Variants in IL31RA observed in about 807,000 individuals in gnomAD.
IL31RA encodes interleukin 31 receptor A, also known as interleukin-31 receptor subunit alpha.
In IL31RA, 66 loss-of-function variants were observed where a neutral mutation model predicts 83.7. That is an observed-to-expected ratio of 0.79 (90% CI 0.65 to 0.97). IL31RA has a LOEUF of 0.97. IL31RA is among the 50% of genes least tolerant of loss of function. The pLI is 0.00. For synonymous variants in IL31RA, 325 were observed against 329.0 expected (o/e 0.99, Z 0.13); for missense variants, 798 against 919.4 (o/e 0.87, Z 1.71).
rs978505990 is a variant in IL31RA at position 55,918,635 on chromosome 5, G to A, written c.*1515G>A. Among the ~76,000 whole-genome samples, 12 of 152,136 alleles carry A rather than the reference G, an allele frequency of 7.9e-5. No individual in the cohort carries two copies. Among genetic ancestry groups the A allele is most frequent in the African/African-American group, 2.9e-4 (12 of 41,418 alleles). On this transcript the variant is annotated 3_prime_UTR_variant, in exon 15 of 15. Transcript: ENST00000652347. ...CTGGGTCATGTATTTGTCCGGCCGTGTTTTTGTCTCTGGCCTCGTGTGTTT... is the reference window on the plus strand; with the variant it reads ...CTGGGTCATGTATTTGTCCGGCCGTATTTTTGTCTCTGGCCTCGTGTGTTT...
chr5:55,896,035 A>G (rs1010012502), intron 6 of IL31RA, among the ~76,000 whole-genome samples: 7 of 152,214 alleles, frequency 4.6e-5, no homozygotes, highest in African/African-American at 1.4e-4. Flanking sequence ...TCTAGAGGAC[A>G]TTAGATAGTC....
intron 8 of IL31RA, among the ~76,000 whole-genome samples, chr5:55,902,112 G>A (rs989507232): frequency 1.3e-5 from 2 of 152,138 alleles, no homozygotes; most frequent in Non-Finnish European, 2.9e-5. Context: ...CAGCTTGCAG[G>A]TTAAATCTGG....
intron 5 of IL31RA, 142 bp from the exon 6 acceptor site, chr5:55,889,828 G>A (rs1747868458): frequency 1.3e-6 from 1 of 765,650 alleles, no homozygotes; most frequent in South Asian, 1.5e-5. Flanking sequence ...ATGGAAGTCT[G>A]TTAATAAAAA....
At position 55,914,833 on chromosome 5, in the gene IL31RA, TTC is replaced by T; in HGVS notation, c.1737-7_1737-6del. ...TGGATTCAATTCCCATCTTAAAATC[TTC>T]TCTCTCATTAGCAAATTGACTCATC... On this transcript the variant is annotated splice_polypyrimidine_tract_variant and intron_variant, in intron 13 of 14. Coordinates refer to ENST00000652347, the MANE Select transcript of IL31RA (RefSeq NM_139017.7). The T allele has an allele frequency of 1.9e-6, 3 of 1,593,890 alleles. No homozygotes were observed. The highest frequency in any genetic ancestry group is 2.6e-6 in the Non-Finnish European group (3 of 1,161,350).
intron 5 of IL31RA, among the ~76,000 whole-genome samples, chr5:55,886,268 C>CTTGCTCTTTTTTTTTTTTTTTT (rs1235138364): frequency 2.8e-5 from 2 of 71,510 alleles, no homozygotes; most frequent in African/African-American, 1.5e-4. Flanking sequence ...TGCTTGCTTG[C>CTTGCTCTTTTTTTTTTTTTTTT]TTTTTTTTTT....
rs1241568170 is a variant in IL31RA at position 55,922,372 on chromosome 5, T to A, written c.*5252T>A. 1 of 1,547,716 alleles carries A rather than the reference T, an allele frequency of 6.5e-7. No individual in the cohort carries two copies. The highest frequency in any genetic ancestry group is 1.4e-5 in the African/African-American group (1 of 73,094). ...TGGCTGTTCAAGGGAAGTGAGATAC[T>A]TGTACTATGCATTTCATTTTTAGGA... On this transcript the variant is annotated 3_prime_UTR_variant, in exon 15 of 15. Coordinates refer to ENST00000652347, the MANE Select transcript of IL31RA (RefSeq NM_139017.7).
rs1304699980 is a variant in IL31RA at position 55,921,614 on chromosome 5, C to T, written c.*4494C>T. On this transcript the variant is annotated 3_prime_UTR_variant, in exon 15 of 15. Coordinates refer to ENST00000652347, the MANE Select transcript of IL31RA (RefSeq NM_139017.7). ...TTACAGTATCACCAGACATGTCTGA[C>T]GGATCCTTTGTCCTTTTCCACTGAG... is the stretch of plus-strand genomic sequence containing the variant. 4.6e-5 allele frequency among the ~76,000 whole-genome samples: 7 copies of T among 152,214 alleles called. No individual in the cohort carries two copies. The highest frequency in any genetic ancestry group is 8.8e-5 in the Non-Finnish European group (6 of 68,034).
At chr5:55,849,731 C>T (rs1361746238), upstream of IL31RA, among the ~76,000 whole-genome samples, 2 of 152,338 alleles carry the variant, frequency 1.3e-5, no homozygotes, top group East Asian at 3.9e-4. Flanking sequence ...AGTTGCTCTC[C>T]AAGCCTGTTG....
At chr5:55,893,859 T>G (rs568665111) in intron 6 of IL31RA, among the ~76,000 whole-genome samples, 1 of 148,616 alleles carries the variant, frequency 6.7e-6, no homozygotes, top group South Asian at 2.1e-4. Context: ...TCACCCAGAC[T>G]GAAATGTAGT....
At chr5:55,883,317 G>T in intron 5 of IL31RA, 122 bp downstream of exon 5, 1 of 916,660 alleles carries the variant, frequency 1.1e-6, no homozygotes, top group Non-Finnish European at 1.7e-6. Context: ...GAGAGACATT[G>T]CTAAGTACTT....
chr5:55,864,637 G>T, intron 2 of IL31RA, among the ~76,000 whole-genome samples: 1 of 141,866 alleles, frequency 7.0e-6, no homozygotes, highest in South Asian at 2.3e-4. Context: ...CAGACCACAC[G>T]CACACACCAA....
chr5:55,891,553 T>A (rs1289969051), intron 6 of IL31RA, among the ~76,000 whole-genome samples: 1 of 152,014 alleles, frequency 6.6e-6, no homozygotes, highest in African/African-American at 2.4e-5. Flanking sequence ...CTACAATACT[T>A]ATCCCCCCAT....
intron 5 of IL31RA, among the ~76,000 whole-genome samples, chr5:55,884,621 G>GT (rs1459444751): frequency 3.9e-5 from 6 of 152,158 alleles, no homozygotes; most frequent in African/African-American, 1.4e-4. Context: ...TTTTTTTGTA[G>GT]TGTTGCCCAG....
intron 7 of IL31RA, 86 bp downstream of exon 7, chr5:55,896,515 C>T: frequency 1.2e-6 from 1 of 826,044 alleles, no homozygotes; most frequent in South Asian, 1.4e-5. Flanking sequence ...CCTTCCATCC[C>T]TTCCATCCTC....
chr5:55,864,290 GACAC>G (rs35236053), intron 2 of IL31RA, among the ~76,000 whole-genome samples: 4,326 of 144,462 alleles, frequency 0.03, 100 homozygotes, highest in Middle Eastern at 0.074. Context: ...TATACACACA[GACAC>G]ACACACACAC....
In IL31RA at chr5:55,921,338, A is replaced by T. The variant is rs574075835; in HGVS notation, c.*4218A>T. Among the ~76,000 whole-genome samples, 1 of 152,354 alleles carries T rather than the reference A, an allele frequency of 6.6e-6. No homozygotes were observed. Among genetic ancestry groups the T allele is most frequent in the African/African-American group, 2.4e-5 (1 of 41,588 alleles). ...TTCTCCCATATATAAAAATTCATGC[A>T]TGAGCAAAGCATTTTGAACATCCAT... On this transcript the variant is annotated 3_prime_UTR_variant, in exon 15 of 15. Transcript: ENST00000652347.
intron 4 of IL31RA, among the ~76,000 whole-genome samples, chr5:55,880,816 C>T (rs1325467497): frequency 6.6e-6 from 1 of 152,188 alleles, no homozygotes; most frequent in Non-Finnish European, 1.5e-5. Flanking sequence ...AGCCTTTGTC[C>T]TCAAGGAGTT....
Position 55,919,135 on chromosome 5 carries a change from T to C in IL31RA, c.*2015T>C, listed in dbSNP as rs1409937272. ...CAGATTCATGAACATATGGGGAGAT[T>C]CTAGCCTTGCCTCCTGTCTTGGCCC... On this transcript the variant is annotated 3_prime_UTR_variant, in exon 15 of 15. Transcript: ENST00000652347. 6.6e-6 allele frequency among the ~76,000 whole-genome samples: 1 copy of C among 152,106 alleles called. No homozygotes were observed. The highest frequency in any genetic ancestry group is 2.4e-5 in the African/African-American group (1 of 41,398).
At chr5:55,901,835 G>A (rs181860135) in intron 8 of IL31RA, among the ~76,000 whole-genome samples, 1 of 151,856 alleles carries the variant, frequency 6.6e-6, no homozygotes, top group East Asian at 1.9e-4. Context: ...GGCTGGTCTC[G>A]AACTCCTGAC....
Sources: gnomAD v4.1 joint callset for allele counts (sites outside exome capture counted in the v4.1 genomes callset) on GRCh38, gnomAD v4.1.1 for gene constraint, MANE v1.5 for transcripts, NCBI Gene and HGNC (gene_info 2026-07-23, HGNC 2026-07-21) for gene names.